The following PDGFC variants were observed in gnomAD, a reference collection of about 807,000 sequenced individuals.
The protein encoded by PDGFC is platelet-derived growth factor C.
PDGFC carries 12 observed loss-of-function variants against 35.5 expected under a neutral mutation model. That is an observed-to-expected ratio of 0.34 (90% confidence interval 0.22 to 0.55). The LOEUF (loss-of-function observed/expected upper bound fraction) is 0.55, where lower values mean the gene tolerates loss of function less well. PDGFC is among the 20% of genes least tolerant of loss of function. The pLI is 0.91. For missense variants in PDGFC, 322 were observed against 412.4 expected (o/e 0.78, Z 1.90); for synonymous variants, 159 against 148.8 (o/e 1.07, Z -0.50).
chr4:156,872,284 A>C (rs1730002682), intron 1 of PDGFC, among the ~76,000 whole-genome samples: 1 of 152,240 alleles, frequency 6.6e-6, no homozygotes, highest in African/African-American at 2.4e-5. Flanking sequence ...ATTTCTGAGA[A>C]ATCCAAGCAA....
chr4:156,925,227 C>T (rs1731379222), intron 1 of PDGFC, among the ~76,000 whole-genome samples: 1 of 152,098 alleles, frequency 6.6e-6, no homozygotes, highest in East Asian at 1.9e-4. Flanking sequence ...CAGGTAAAGG[C>T]CAGATCACCA....
intron 1 of PDGFC, among the ~76,000 whole-genome samples, chr4:156,918,626 T>A (rs1163733539): frequency 1.3e-5 from 2 of 152,144 alleles, no homozygotes; most frequent in African/African-American, 2.4e-5. Flanking sequence ...AAACTGCATA[T>A]GCGAGGGACA....
chr4:156,825,587 T>A (rs55898416), intron 2 of PDGFC, among the ~76,000 whole-genome samples: 1 of 87,220 alleles, frequency 1.1e-5, no homozygotes, highest in African/African-American at 6.1e-5. Flanking sequence ...ATAATAATAA[T>A]AATAATAAGA....
intron 2 of PDGFC, among the ~76,000 whole-genome samples, chr4:156,821,738 C>T (rs906013048): frequency 6.6e-6 from 1 of 151,886 alleles, no homozygotes; most frequent in Admixed American, 6.6e-5. Flanking sequence ...TTAGTAGAGA[C>T]GGGGTTTCTC....
At chr4:156,928,511 A>G (rs1731471150) in intron 1 of PDGFC, among the ~76,000 whole-genome samples, 1 of 152,226 alleles carries the variant, frequency 6.6e-6, no homozygotes, top group Non-Finnish European at 1.5e-5. Flanking sequence ...ACAGGCTCAG[A>G]ACAGCTGGCT....
intron 1 of PDGFC, among the ~76,000 whole-genome samples, chr4:156,899,755 C>A (rs548119819): frequency 3.3e-5 from 5 of 152,212 alleles, no homozygotes; most frequent in African/African-American, 7.2e-5. Flanking sequence ...GTGGAGGTTA[C>A]AGTGAGCTGA....
At chr4:156,904,000 C>G (rs1730855257) in intron 1 of PDGFC, among the ~76,000 whole-genome samples, 1 of 152,056 alleles carries the variant, frequency 6.6e-6, no homozygotes, top group Non-Finnish European at 1.5e-5. Flanking sequence ...TATCCAAAAC[C>G]AGGTTCCCTG....
At chr4:156,830,297 A>T (rs1311030312) in intron 2 of PDGFC, among the ~76,000 whole-genome samples, 1 of 152,018 alleles carries the variant, frequency 6.6e-6, no homozygotes, top group Non-Finnish European at 1.5e-5. Context: ...ACTGTGTGAC[A>T]CTATGGCACT....
chr4:156,966,661 A>G (rs2110987149), intron 1 of PDGFC, among the ~76,000 whole-genome samples: 1 of 152,266 alleles, frequency 6.6e-6, no homozygotes, highest in African/African-American at 2.4e-5. Flanking sequence ...GGTGAAATAC[A>G]AGTAGACAAA....
intron 1 of PDGFC, among the ~76,000 whole-genome samples, chr4:156,895,638 A>T (rs1380076659): frequency 6.6e-6 from 1 of 152,106 alleles, no homozygotes; most frequent in Non-Finnish European, 1.5e-5. Context: ...TCTCAGAAAA[A>T]AAAAAAAAAG....
At chr4:156,778,671 CT>C (rs894719605) in intron 3 of PDGFC, among the ~76,000 whole-genome samples, 55 of 152,258 alleles carry the variant, frequency 3.6e-4, no homozygotes, top group African/African-American at 1.3e-3. Flanking sequence ...CATTACTTAC[CT>C]CTAAAAAACC....
chr4:156,951,439 T>C (rs1158289769), intron 1 of PDGFC, among the ~76,000 whole-genome samples: 1 of 151,792 alleles, frequency 6.6e-6, no homozygotes, highest in African/African-American at 2.4e-5. Flanking sequence ...AAGTTGTGAT[T>C]GTGGAGTTTT....
At position 156,768,975 on chromosome 4, in the gene PDGFC, C is replaced by A. The variant is rs1320857096; in HGVS notation, c.704-985G>T. 2.0e-5 allele frequency among the ~76,000 whole-genome samples: 3 copies of A among 151,806 alleles called. No homozygotes were observed. In the East Asian group the frequency reaches 5.8e-4, roughly 29 times the overall value. On this transcript the variant is annotated intron_variant, in intron 4 of 5. Transcript: ENST00000502773. Reference sequence around the variant, plus strand: ...GTAATTACTATTAGGATAAAGACTTCTAATATAATTTATTTTCTGCCTTAC... The same window carrying A: ...GTAATTACTATTAGGATAAAGACTTATAATATAATTTATTTTCTGCCTTAC...
At chr4:156,937,744 G>A (rs1731718159) in intron 1 of PDGFC, among the ~76,000 whole-genome samples, 1 of 152,078 alleles carries the variant, frequency 6.6e-6, no homozygotes, top group South Asian at 2.1e-4. Flanking sequence ...GAACATGGTG[G>A]AAACATATTT....
intron 3 of PDGFC, among the ~76,000 whole-genome samples, chr4:156,778,705 T>C (rs1387051054): frequency 6.6e-6 from 1 of 152,202 alleles, no homozygotes; most frequent in African/African-American, 2.4e-5. Context: ...TTTATTAGGA[T>C]TTTTGTGGCC....
intron 1 of PDGFC, among the ~76,000 whole-genome samples, chr4:156,852,028 A>G (rs780959534): frequency 2.4e-4 from 36 of 151,932 alleles, no homozygotes; most frequent in Non-Finnish European, 4.1e-4. Context: ...ACTTTTAAAT[A>G]TCCCTTATTG....
At chr4:156,811,918 A>T (rs574851884) in intron 2 of PDGFC, among the ~76,000 whole-genome samples, 1 of 152,144 alleles carries the variant, frequency 6.6e-6, no homozygotes, top group East Asian at 1.9e-4. Context: ...AAGTTCTGAA[A>T]ATGAGTATTT....
chr4:156,779,373 T>A (rs886610746), intron 3 of PDGFC, among the ~76,000 whole-genome samples: 6 of 152,146 alleles, frequency 3.9e-5, no homozygotes, highest in Admixed American at 3.9e-4. Context: ...AAGTGAGAAA[T>A]CCTAGGGAAG....
rs557679475 is a variant in PDGFC, at chr4:156,904,638, T to C, written c.119-54222A>G. ...AGAATTTCACCATCAAGTGTATATT[T>C]GTGCTTGTGTATTAGTTGTTCCAAC... On this transcript the variant is annotated intron_variant, in intron 1 of 5. Coordinates refer to ENST00000502773, the MANE Select transcript of PDGFC (RefSeq NM_016205.3). Among the ~76,000 whole-genome samples, 16 of 152,274 alleles carry C rather than the reference T, an allele frequency of 1.1e-4. No individual in the cohort carries two copies. The East Asian group carries it at 3.1e-3, about 29-fold the overall frequency.
Sources: allele counts gnomAD v4.1 joint callset (sites outside exome capture counted in the v4.1 genomes callset), GRCh38; gene constraint gnomAD v4.1.1; transcripts MANE v1.5; gene names NCBI Gene and HGNC (gene_info 2026-07-23, HGNC 2026-07-21).